The following ABI2 variants were observed in gnomAD, a reference collection of about 807,000 sequenced individuals.
ABI2 encodes the protein abelson interactor 2.
A neutral mutation model predicts 59.2 loss-of-function variants in ABI2; 25 were observed. The ratio of observed to expected loss-of-function variants is 0.42; its 90% CI spans 0.31 to 0.59. The LOEUF (loss-of-function observed/expected upper bound fraction) is 0.59. Ranked by LOEUF, ABI2 falls within the 20% of genes least tolerant of loss-of-function variation. The pLI, the probability that ABI2 is intolerant of heterozygous loss-of-function variation, is 0.14. For missense variants in ABI2, 545 were observed against 681.8 expected (o/e 0.80, Z 2.23); for synonymous variants, 213 against 235.5 (o/e 0.90, Z 0.87).
chr2:203,345,619 G>A (rs772476684), intron 1 of ABI2, among the ~76,000 whole-genome samples: 2 of 152,006 alleles, frequency 1.3e-5, no homozygotes, highest in African/African-American at 2.4e-5. Flanking sequence ...GTCTTGGCCA[G>A]TCTGGTCTCG....
intron 9 of ABI2, among the ~76,000 whole-genome samples, chr2:203,403,997 C>A (rs2097329119): frequency 6.6e-6 from 1 of 152,030 alleles, no homozygotes; most frequent in Non-Finnish European, 1.5e-5. Flanking sequence ...AAGTGATTCA[C>A]CCACCTCAGC....
At chr2:203,351,270 G>A (rs1475515701) in intron 1 of ABI2, among the ~76,000 whole-genome samples, 6 of 151,970 alleles carry the variant, frequency 3.9e-5, no homozygotes, top group South Asian at 2.1e-4. Flanking sequence ...AAATTGTGAC[G>A]TATCTTCTAC....
chr2:203,411,604 T>C (rs3769678), intron 10 of ABI2, among the ~76,000 whole-genome samples: 67,602 of 152,056 alleles, frequency 0.44, 16,895 homozygotes, highest in Middle Eastern at 0.7. Context: ...AAAAGAAAGA[T>C]CACATCCTAC....
intron 1 of ABI2, among the ~76,000 whole-genome samples, chr2:203,336,454 C>T (rs753628590): frequency 3.1e-4 from 47 of 152,160 alleles, no homozygotes; most frequent in Non-Finnish European, 6.0e-4. Context: ...TGGAAGTTTG[C>T]GAGGACCTTA....
chr2:203,375,401 C>T (rs547384795), intron 2 of ABI2, among the ~76,000 whole-genome samples: 25 of 152,274 alleles, frequency 1.6e-4, no homozygotes, highest in Non-Finnish European at 2.9e-4. Flanking sequence ...GGTTTATTGT[C>T]ATATAACTAG....
intron 1 of ABI2, among the ~76,000 whole-genome samples, chr2:203,357,988 G>A (rs767409494): frequency 1.3e-5 from 2 of 150,810 alleles, no homozygotes; most frequent in Non-Finnish European, 2.9e-5. Flanking sequence ...AGGCTGTCTC[G>A]AACTCCTGAC....
chr2:203,345,906 A>G (rs981272769), intron 1 of ABI2, among the ~76,000 whole-genome samples: 2 of 151,474 alleles, frequency 1.3e-5, no homozygotes, highest in Non-Finnish European at 2.9e-5. Context: ...CTGGCCGGGC[A>G]CGGTGGCTCA....
chr2:203,356,277 T>C (rs545638278), intron 1 of ABI2, among the ~76,000 whole-genome samples: 41 of 152,274 alleles, frequency 2.7e-4, no homozygotes, highest in African/African-American at 6.5e-4. Context: ...GAGCTCAGAC[T>C]CCTGGGATCT....
At chr2:203,376,465 T>C (rs2095686131) in intron 2 of ABI2, among the ~76,000 whole-genome samples, 1 of 152,236 alleles carries the variant, frequency 6.6e-6, no homozygotes, top group Non-Finnish European at 1.5e-5. Context: ...TTATTTTGAC[T>C]TTCTGTATAC....
chr2:203,379,937 T>C (rs1578126969), intron 2 of ABI2, among the ~76,000 whole-genome samples: 1 of 152,248 alleles, frequency 6.6e-6, no homozygotes, highest in East Asian at 1.9e-4. Context: ...TGGTTGTTCT[T>C]TTCTCCAAAC....
intron 2 of ABI2, among the ~76,000 whole-genome samples, chr2:203,371,268 A>G (rs1233782376): frequency 1.3e-5 from 2 of 152,164 alleles, no homozygotes; most frequent in Non-Finnish European, 2.9e-5. Context: ...CTGTTTCCCA[A>G]ATTACTCTGA....
At position 203,395,032 on chromosome 2, in the gene ABI2, TAAAG is replaced by T; in HGVS notation, c.725+189_725+192del. The stretch of plus-strand genomic sequence containing the variant: ...CAACTTTGAGCAGTCAGGAAGTTGA[TAAAG>T]AACAGACATCTCAAAGTGCAGACTT... On this transcript the variant is annotated intron_variant, in intron 6 of 11. Transcript: ENST00000261018. The T allele has an allele frequency of 3.9e-6, 3 of 761,132 alleles. No homozygotes were observed. The East Asian group carries it at 8.0e-5, about 20-fold the overall frequency. The allele number at this position is 761,132 out of a possible 1,614,324, so 47.1% of individuals were successfully genotyped here.
intron 1 of ABI2, among the ~76,000 whole-genome samples, chr2:203,363,786 CAGAGTTTTGCT>C (rs901062959): frequency 6.6e-6 from 1 of 151,766 alleles, no homozygotes; most frequent in Non-Finnish European, 1.5e-5. Context: ...TTTTTTGAGA[CAGAGTTTTGCT>C]TTTGTTACCC....
intron 4 of ABI2, among the ~76,000 whole-genome samples, chr2:203,384,820 A>G (rs149063023): frequency 4.8e-4 from 72 of 151,260 alleles, no homozygotes; most frequent in African/African-American, 1.7e-3. Flanking sequence ...GCCCAAGCAG[A>G]TTCTTTTTTT....
At chr2:203,404,854 C>T (rs575428989) in intron 9 of ABI2, among the ~76,000 whole-genome samples, 2 of 152,222 alleles carry the variant, frequency 1.3e-5, no homozygotes, top group South Asian at 2.1e-4. Context: ...CCACCGCACC[C>T]GGCCTATACA....
At chr2:203,423,631 G>A (rs1273407467) in intron 11 of ABI2, among the ~76,000 whole-genome samples, 2 of 152,250 alleles carry the variant, frequency 1.3e-5, no homozygotes, top group South Asian at 4.2e-4. Flanking sequence ...CACCATATTG[G>A]CCAGGCTGGT....
At chr2:203,344,552 G>GTT (rs2082015462) in intron 1 of ABI2, among the ~76,000 whole-genome samples, 1 of 89,354 alleles carries the variant, frequency 1.1e-5, no homozygotes, top group Non-Finnish European at 2.0e-5. Context: ...TGTTGTTGTT[G>GTT]TTGTTGTTGT....
intron 1 of ABI2, among the ~76,000 whole-genome samples, chr2:203,339,611 A>G (rs2078728316): frequency 6.6e-6 from 1 of 151,940 alleles, no homozygotes; most frequent in Admixed American, 6.6e-5. Flanking sequence ...AAAGAAAAAA[A>G]GAAAACCCAG....
chr2:203,362,556 C>T (rs899631240), intron 1 of ABI2, among the ~76,000 whole-genome samples: 4 of 151,954 alleles, frequency 2.6e-5, no homozygotes, highest in African/African-American at 2.4e-5. Context: ...GACTGAGTCT[C>T]ACTCTGTTGC....
Sources: allele counts gnomAD v4.1 joint callset (sites outside exome capture counted in the v4.1 genomes callset), GRCh38; gene constraint gnomAD v4.1.1; transcripts MANE v1.5; gene names NCBI Gene and HGNC (gene_info 2026-07-23, HGNC 2026-07-21).